TRDN: variants seen among roughly 807,000 people sequenced by gnomAD.
TRDN encodes the protein triadin in skeletal muscle.
TRDN carries 161 observed loss-of-function variants against 149.7 expected under a neutral mutation model. The ratio of observed to expected loss-of-function variants is 1.08; its 90% CI spans 0.95 to 1.23. The LOEUF is 1.23. TRDN is among the 50% of genes most tolerant of loss of function. The pLI is 0.00. For synonymous variants in TRDN, 294 were observed against 250.5 expected (o/e 1.17, Z -1.64); for missense variants, 896 against 823.5 (o/e 1.09, Z -1.08).
At chr6:123,458,476 C>A (rs1776262167) in intron 10 of TRDN, among the ~76,000 whole-genome samples, 1 of 152,210 alleles carries the variant, frequency 6.6e-6, no homozygotes, top group South Asian at 2.1e-4. Context: ...GGAAGGAAGT[C>A]TTCTTTCAGA....
intron 10 of TRDN, among the ~76,000 whole-genome samples, chr6:123,452,139 T>A (rs552289193): frequency 4.7e-4 from 72 of 152,054 alleles, no homozygotes; most frequent in African/African-American, 1.6e-3. Flanking sequence ...ACAGCCAACA[T>A]ATATTGAATG....
At chr6:123,285,583 T>G (rs534866777) in intron 24 of TRDN, among the ~76,000 whole-genome samples, 1 of 151,956 alleles carries the variant, frequency 6.6e-6, no homozygotes, top group Non-Finnish European at 1.5e-5. Context: ...CTATAACAAT[T>G]CTAGAAGATA....
intron 38 of TRDN, among the ~76,000 whole-genome samples, chr6:123,229,988 A>G (rs1347875759): frequency 6.6e-6 from 1 of 151,944 alleles, no homozygotes; most frequent in Non-Finnish European, 1.5e-5. Flanking sequence ...TTCCTTTATC[A>G]TCTTAAAATA....
At chr6:123,266,741 A>ATAATATG in intron 32 of TRDN, among the ~76,000 whole-genome samples, 1 of 21,104 alleles carries the variant, frequency 4.7e-5, no homozygotes, top group Non-Finnish European at 1.2e-4. Context: ...TATATGTAAT[A>ATAATATG]TATTATAATA....
At chr6:123,556,282 C>T (rs73539110) in intron 2 of TRDN, among the ~76,000 whole-genome samples, 2,323 of 152,142 alleles carry the variant, frequency 0.015, 54 homozygotes, top group African/African-American at 0.053. Flanking sequence ...ATCACTTGAA[C>T]AATAAATCAA....
chr6:123,401,486 A>G (rs1318853596), intron 12 of TRDN, among the ~76,000 whole-genome samples: 2 of 152,184 alleles, frequency 1.3e-5, no homozygotes, highest in Non-Finnish European at 2.9e-5. Context: ...TTCTGTATTT[A>G]TTGCATGAGT....
At chr6:123,390,517 T>C (rs901663531) in intron 13 of TRDN, among the ~76,000 whole-genome samples, 5 of 152,180 alleles carry the variant, frequency 3.3e-5, no homozygotes, top group Middle Eastern at 3.2e-3. Context: ...CCATCATAAC[T>C]GATTCTGGTT....
chr6:123,636,656 A>G, intron 1 of TRDN, 98 bp downstream of exon 1: 3 of 1,449,168 alleles, frequency 2.1e-6, no homozygotes, highest in African/African-American at 1.4e-5. Flanking sequence ...CAATTACCTT[A>G]AAGCAACATT....
intron 1 of TRDN, among the ~76,000 whole-genome samples, chr6:123,597,851 C>T (rs886800367): frequency 2.3e-4 from 34 of 151,106 alleles, no homozygotes; most frequent in African/African-American, 8.3e-4. Context: ...TTTATATGTA[C>T]TGGGATACCA....
intron 24 of TRDN, among the ~76,000 whole-genome samples, chr6:123,314,854 T>C (rs1778966488): frequency 6.6e-6 from 1 of 151,050 alleles, no homozygotes; most frequent in Admixed American, 6.6e-5. Context: ...GGGTGGAGGG[T>C]GGGAGGAGGG....
At chr6:123,228,205 A>G (rs1012065565) in intron 38 of TRDN, among the ~76,000 whole-genome samples, 1 of 151,946 alleles carries the variant, frequency 6.6e-6, no homozygotes, top group Non-Finnish European at 1.5e-5. Flanking sequence ...TATAGGTGGG[A>G]CAATTAAAAA....
At chr6:123,574,374 G>T (rs1466168566) in intron 1 of TRDN, among the ~76,000 whole-genome samples, 1 of 151,886 alleles carries the variant, frequency 6.6e-6, no homozygotes, top group Non-Finnish European at 1.5e-5. Context: ...TGCTCAAGAA[G>T]GAAAATTTTA....
In TRDN at chr6:123,278,954, T is replaced by A; in HGVS notation, c.1537+102A>T. 2.7e-6 allele frequency: 3 copies of A among 1,097,446 alleles called. No homozygotes were observed. In the South Asian group the frequency reaches 5.4e-5, roughly 20 times the overall value. The allele number at this position is 1,097,446 out of a possible 1,614,324, so 68.0% of individuals were successfully genotyped here. A position where few individuals can be genotyped will look rare whatever the true frequency, so the allele number is the denominator to read the frequency against. On this transcript the variant is annotated intron_variant, in intron 25 of 40. Transcript: ENST00000334268. ...AAGCCTTTGACTTTAAGCAAAATATTCAACATGAAATCAAGATAAATAACA... is the reference window on the plus strand; with the variant it reads ...AAGCCTTTGACTTTAAGCAAAATATACAACATGAAATCAAGATAAATAACA...
intron 9 of TRDN, among the ~76,000 whole-genome samples, chr6:123,485,174 A>G (rs1384353341): frequency 2.0e-5 from 3 of 152,070 alleles, no homozygotes; most frequent in Admixed American, 6.5e-5. Flanking sequence ...GCTCGCTCTC[A>G]TTTCTTCTCT....
intron 21 of TRDN, chr6:123,350,289 T>C (rs1033141044): frequency 9.5e-6 from 9 of 948,814 alleles, no homozygotes; most frequent in Non-Finnish European, 1.0e-5. Flanking sequence ...TTTGAGATAC[T>C]GGAATATCCA....
chr6:123,278,408 C>G lies in TRDN; in HGVS notation c.1538-61G>C. 4.0e-6 allele frequency: 4 copies of G among 1,005,544 alleles called. No individual in the cohort carries two copies. The South Asian group carries it at 5.9e-5, about 15-fold the overall frequency. The allele number at this position is 1,005,544 out of a possible 1,614,324, so 62.3% of individuals were successfully genotyped here. On this transcript the variant is annotated intron_variant, in intron 25 of 40. Transcript: ENST00000334268. ...TAGAAAGATATTCATTTCCTATATA[C>G]TTGTGCATATTTATTTTTATATAAT...
intron 12 of TRDN, among the ~76,000 whole-genome samples, chr6:123,424,587 A>C (rs9490746): frequency 6.6e-6 from 1 of 152,166 alleles, no homozygotes; most frequent in East Asian, 1.9e-4. Flanking sequence ...AGGAAATTAA[A>C]TTGTGCATAT....
chr6:123,577,421 AG>A (rs1782912718), intron 1 of TRDN, among the ~76,000 whole-genome samples: 1 of 152,092 alleles, frequency 6.6e-6, no homozygotes, highest in Non-Finnish European at 1.5e-5. Context: ...TTCCTGCATT[AG>A]TTTCCTAAAG....
intron 37 of TRDN, among the ~76,000 whole-genome samples, chr6:123,253,991 C>A (rs1776466079): frequency 6.6e-6 from 1 of 152,048 alleles, no homozygotes; most frequent in African/African-American, 2.4e-5. Context: ...GGAGCCAAAT[C>A]TTGTCTGTAC....
Sources: gnomAD v4.1 joint callset for allele counts (sites outside exome capture counted in the v4.1 genomes callset) on GRCh38, gnomAD v4.1.1 for gene constraint, MANE v1.5 for transcripts, NCBI Gene and HGNC (gene_info 2026-07-23, HGNC 2026-07-21) for gene names.